Variants in SNED1 observed in about 807,000 individuals in gnomAD.
SNED1 encodes sushi, nidogen and EGF-like domain-containing protein 1.
SNED1 carries 81 observed loss-of-function variants against 166.7 expected under a neutral mutation model. That is an observed-to-expected ratio of 0.49 (90% CI 0.41 to 0.58). The LOEUF (loss-of-function observed/expected upper bound fraction) is 0.58, where lower values mean the gene tolerates loss of function less well. SNED1 is among the 20% of genes least tolerant of loss of function. The pLI is 0.00. For synonymous variants in SNED1, 762 were observed against 822.0 expected (o/e 0.93, Z 1.25); for missense variants, 1,604 against 2,000.2 (o/e 0.80, Z 3.78).
At chr2:241,039,665 C>G (rs766723005) in intron 6 of SNED1, among the ~76,000 whole-genome samples, 59 of 152,112 alleles carry the variant, frequency 3.9e-4, no homozygotes, top group Admixed American at 3.3e-4. Context: ...AGGGGCCACT[C>G]CTACACCCTG....
At chr2:241,089,944 A>G (rs10199156) in intron 31 of SNED1, 162,682 of 1,540,306 alleles carry the variant, frequency 0.11, 10,617 homozygotes, top group African/African-American at 0.29. Context: ...GAAAACCTAC[A>G]GTAAAAATAG....
chr2:241,004,446 G>A (rs562100850), intron 1 of SNED1, among the ~76,000 whole-genome samples: 107 of 152,078 alleles, frequency 7.0e-4, no homozygotes, highest in African/African-American at 2.6e-3. Flanking sequence ...TGTTACATCT[G>A]TTCTCTATAG....
intron 6 of SNED1, among the ~76,000 whole-genome samples, chr2:241,037,607 C>T (rs962035671): frequency 1.3e-5 from 2 of 152,192 alleles, no homozygotes; most frequent in Admixed American, 1.3e-4. Flanking sequence ...GATGGGGCCT[C>T]AGAACAGGCC....
At chr2:241,063,276 A>C in intron 17 of SNED1, 2 of 488,928 alleles carry the variant, frequency 4.1e-6, no homozygotes, top group Non-Finnish European at 3.7e-6. Flanking sequence ...AAGCCTGAGA[A>C]ACGCAGGCTC....
chr2:241,025,801 C>T (rs2060943603), intron 1 of SNED1, among the ~76,000 whole-genome samples: 1 of 151,874 alleles, frequency 6.6e-6, no homozygotes, highest in Admixed American at 6.6e-5. Context: ...CCACTGTTTT[C>T]TGGCTTTCAT....
intron 16 of SNED1, among the ~76,000 whole-genome samples, chr2:241,055,495 G>C (rs1012344020): frequency 7.2e-5 from 11 of 152,186 alleles, no homozygotes; most frequent in Non-Finnish European, 1.5e-4. Flanking sequence ...CATTTGGTTA[G>C]GGTGTAGACA....
At chr2:241,083,740 A>G (rs180995108) in intron 29 of SNED1, among the ~76,000 whole-genome samples, 21 of 152,280 alleles carry the variant, frequency 1.4e-4, no homozygotes, top group African/African-American at 4.1e-4. Context: ...CTATCCTTTC[A>G]CTTTTAACCT....
At chr2:241,007,838 A>C (rs1007116818) in intron 1 of SNED1, among the ~76,000 whole-genome samples, 11 of 152,164 alleles carry the variant, frequency 7.2e-5, no homozygotes, top group African/African-American at 2.4e-4. Flanking sequence ...ACCGGCCGCT[A>C]GTTATTGGCT....
chr2:241,006,910 G>A (rs1192444937), intron 1 of SNED1, among the ~76,000 whole-genome samples: 2 of 152,246 alleles, frequency 1.3e-5, no homozygotes, highest in Non-Finnish European at 2.9e-5. Flanking sequence ...CTAGGAGAAG[G>A]ATGGAGATGG....
intron 1 of SNED1, among the ~76,000 whole-genome samples, chr2:241,002,451 C>T (rs2060104732): frequency 6.6e-6 from 1 of 152,218 alleles, no homozygotes; most frequent in African/African-American, 2.4e-5. Context: ...GGCTGGCCCA[C>T]CCCCTGCTAT....
chr2:241,030,298 G>A lies in SNED1; in HGVS notation c.228G>A (p.Gly76=), dbSNP rs754937777. 4.4e-6 allele frequency: 7 copies of A among 1,592,484 alleles called. No homozygotes were observed. Among genetic ancestry groups the A allele is most frequent in the Non-Finnish European group, 5.1e-6 (6 of 1,167,502 alleles). ...EHSGLYVNNN[G]IISFLKEVSQ... ...CTGCCTCCCAGGTGAACAACAACGG[G>A]ATCATCTCCTTCCTGAAGGAGGTTT... The change falls in exon 2 of 32, where the codon GGG becomes GGA. Residue 76 remains glycine (G), a synonymous_variant. Coordinates refer to ENST00000310397, the MANE Select transcript of SNED1 (RefSeq NM_001080437.3).
At chr2:241,088,831 G>A (rs1575146443) in intron 31 of SNED1, 1 of 218,604 alleles carries the variant, frequency 4.6e-6, no homozygotes, top group South Asian at 1.0e-4. Flanking sequence ...GGGGCTCCAG[G>A]AGAGGGCTGA....
At chr2:241,031,116 G>A (rs777068166) in intron 2 of SNED1, among the ~76,000 whole-genome samples, 3 of 152,128 alleles carry the variant, frequency 2.0e-5, no homozygotes, top group South Asian at 2.1e-4. Flanking sequence ...GAAAAGAGGC[G>A]CTGGGTGCAG....
At chr2:241,086,711 CTT>C (rs1227904723) in intron 29 of SNED1, among the ~76,000 whole-genome samples, 2 of 152,328 alleles carry the variant, frequency 1.3e-5, no homozygotes, top group East Asian at 3.9e-4. Context: ...TTCTATGAGA[CTT>C]AGCATATGAG....
chr2:241,062,520 T>C (rs1397009489), intron 16 of SNED1, among the ~76,000 whole-genome samples: 1 of 152,180 alleles, frequency 6.6e-6, no homozygotes, highest in East Asian at 1.9e-4. Flanking sequence ...CCTGTCGGCC[T>C]GAACCACTGG....
chr2:241,030,668 C>A, intron 2 of SNED1, 97 bp downstream of exon 2: 1 of 1,287,580 alleles, frequency 7.8e-7, no homozygotes, highest in South Asian at 1.4e-5. Flanking sequence ...GGGTGTGGTG[C>A]AGTCACTGGT....
chr2:241,063,673 G>C lies in SNED1; in HGVS notation c.2458G>C (p.Gly820Arg). 6.2e-7 allele frequency: 1 copy of C among 1,611,388 alleles called. No individual in the cohort carries two copies. The highest frequency in any genetic ancestry group is 8.5e-7 in the Non-Finnish European group (1 of 1,178,828). Reference sequence around the variant, plus strand: ...GGCCTATGTCTGCCGGTGCCCTGCAGGCTTCGTTGGAGTCCACTGTGAGAC... The same window carrying C: ...GGCCTATGTCTGCCGGTGCCCTGCACGCTTCGTTGGAGTCCACTGTGAGAC... ...PGAYVCRCPA[G>R]FVGVHCETEV... The change falls in exon 18 of 32, where the codon GGC becomes CGC. Residue 820 changes from glycine (G) to arginine (R), a missense_variant. Gly to Arg is a moderately radical substitution (Grantham distance 125, BLOSUM62 -2). Transcript: ENST00000310397.
chr2:241,032,335 G>A (rs1380042660), intron 2 of SNED1, among the ~76,000 whole-genome samples: 1 of 151,952 alleles, frequency 6.6e-6, no homozygotes, highest in Non-Finnish European at 1.5e-5. Context: ...GGGTGACAGA[G>A]GGAGATTCCA....
chr2:241,037,995 A>T (rs1287621326), intron 6 of SNED1, among the ~76,000 whole-genome samples: 1 of 152,040 alleles, frequency 6.6e-6, no homozygotes, highest in Non-Finnish European at 1.5e-5. Flanking sequence ...GTCAGCCTCT[A>T]CTTACTGCCC....
Sources: allele counts gnomAD v4.1 joint callset (sites outside exome capture counted in the v4.1 genomes callset), GRCh38; gene constraint gnomAD v4.1.1; transcripts MANE v1.5; gene names NCBI Gene and HGNC (gene_info 2026-07-23, HGNC 2026-07-21).